Variants in NRXN3 observed in about 807,000 individuals in gnomAD.
NRXN3 encodes the protein neurexin 3.
Under a neutral mutation model 137.6 loss-of-function variants are expected in NRXN3, and 32 were observed. The ratio of observed to expected loss-of-function variants is 0.23; its 90% CI spans 0.18 to 0.31. The LOEUF is 0.31. NRXN3 is among the 10% of genes least tolerant of loss of function. The pLI is 1.00. For missense variants in NRXN3, 1,574 were observed against 2,062.5 expected, an observed-to-expected ratio of 0.76 and a Z score of 4.59; for synonymous variants, 798 against 784.5, an observed-to-expected ratio of 1.02 and a Z score of -0.29.
At chr14:78,302,160 A>T (rs2076936206) in intron 4 of NRXN3, among the ~76,000 whole-genome samples, 1 of 152,078 alleles carries the variant, frequency 6.6e-6, no homozygotes, top group South Asian at 2.1e-4. Flanking sequence ...AATACATTAG[A>T]TTCAGTCTCT....
At chr14:79,758,818 A>G (rs949361790) in intron 19 of NRXN3, among the ~76,000 whole-genome samples, 2 of 152,158 alleles carry the variant, frequency 1.3e-5, no homozygotes, top group South Asian at 2.1e-4. Context: ...CCACACAAGC[A>G]TTATTCAAAA....
chr14:78,902,176 C>T (rs2099198715), intron 10 of NRXN3, among the ~76,000 whole-genome samples: 1 of 151,986 alleles, frequency 6.6e-6, no homozygotes, highest in South Asian at 2.1e-4. Flanking sequence ...CTGGCACAGG[C>T]ATCTCAATGA....
intron 10 of NRXN3, among the ~76,000 whole-genome samples, chr14:78,901,534 A>T (rs2099196390): frequency 6.6e-6 from 1 of 152,042 alleles, no homozygotes; most frequent in Non-Finnish European, 1.5e-5. Context: ...TTGAGACTTA[A>T]TGATATGATC....
At chr14:78,426,345 A>G (rs918780600) in intron 4 of NRXN3, among the ~76,000 whole-genome samples, 1 of 152,152 alleles carries the variant, frequency 6.6e-6, no homozygotes, top group Admixed American at 6.5e-5. Context: ...TAACACCTTG[A>G]CAGTAGGGAC....
intron 10 of NRXN3, among the ~76,000 whole-genome samples, chr14:78,891,068 T>C (rs1303697332): frequency 6.6e-6 from 1 of 151,982 alleles, no homozygotes; most frequent in Non-Finnish European, 1.5e-5. Flanking sequence ...TCTGGCTTAG[T>C]TGGTGGTGAC....
chr14:79,257,439 G>A (rs1323940773), intron 15 of NRXN3, among the ~76,000 whole-genome samples: 5 of 34,616 alleles, frequency 1.4e-4, no homozygotes, highest in African/African-American at 2.3e-4. Flanking sequence ...GGTGGTGGTG[G>A]TGGTAGTGAT....
At chr14:78,733,685 C>T (rs1234153655) in intron 8 of NRXN3, among the ~76,000 whole-genome samples, 1 of 152,028 alleles carries the variant, frequency 6.6e-6, no homozygotes, top group Non-Finnish European at 1.5e-5. Context: ...AGTAAGTGTG[C>T]AGGAAAGGAG....
intron 10 of NRXN3, among the ~76,000 whole-genome samples, chr14:78,828,903 T>C (rs1596295974): frequency 6.6e-6 from 1 of 152,090 alleles, no homozygotes; most frequent in African/African-American, 2.4e-5. Context: ...AATGCCTGGA[T>C]GTGGGAGGAA....
intron 4 of NRXN3, among the ~76,000 whole-genome samples, chr14:78,371,309 A>G (rs977585285): frequency 5.3e-5 from 8 of 152,212 alleles, no homozygotes; most frequent in African/African-American, 1.9e-4. Flanking sequence ...AGATGGCACA[A>G]CTTCGGAGAG....
At chr14:78,481,240 T>A (rs898249614) in intron 4 of NRXN3, among the ~76,000 whole-genome samples, 22 of 152,196 alleles carry the variant, frequency 1.4e-4, no homozygotes, top group African/African-American at 5.3e-4. Flanking sequence ...TGAATGATAG[T>A]CTCTGTAGGG....
chr14:78,768,891 C>T (rs2098717694), intron 8 of NRXN3, among the ~76,000 whole-genome samples: 2 of 152,176 alleles, frequency 1.3e-5, no homozygotes, highest in Admixed American at 1.3e-4. Context: ...AGAAGCTCTC[C>T]AAACCCCATG....
At chr14:79,593,338 T>C (rs1255719469) in intron 16 of NRXN3, among the ~76,000 whole-genome samples, 2 of 152,142 alleles carry the variant, frequency 1.3e-5, no homozygotes, top group African/African-American at 2.4e-5. Flanking sequence ...ATTAAAAATT[T>C]ACCTTGAGAA....
chr14:78,529,481 C>CAGA lies in NRXN3; in HGVS notation c.758-115639_758-115638insAGA, dbSNP rs1476251703. On this transcript the variant is annotated intron_variant, in intron 4 of 20. Coordinates refer to ENST00000335750, the MANE Select transcript of NRXN3 (RefSeq NM_001330195.2). Reference sequence around the variant, plus strand: ...TTTCTTTCTTTCTGGGTCTCGGACACCCTTTTGATTTCAGGTCAAAATCAT... The same window carrying CAGA: ...TTTCTTTCTTTCTGGGTCTCGGACACAGACCTTTTGATTTCAGGTCAAAATCAT... 5.3e-5 allele frequency among the ~76,000 whole-genome samples: 8 copies of CAGA among 152,240 alleles called. No homozygotes were observed. In the East Asian group the frequency reaches 1.5e-3, roughly 29 times the overall value.
intron 15 of NRXN3, among the ~76,000 whole-genome samples, chr14:79,148,453 G>T (rs1196311094): frequency 6.6e-6 from 1 of 152,152 alleles, no homozygotes; most frequent in Non-Finnish European, 1.5e-5. Context: ...GTAGGGATGT[G>T]TTTGCACTTC....
rs2099063224 is a variant in NRXN3, at chr14:79,768,232, A to G, written c.4015-36880A>G. On this transcript the variant is annotated intron_variant, in intron 19 of 20. Coordinates refer to ENST00000335750, the MANE Select transcript of NRXN3 (RefSeq NM_001330195.2). ...CCATTGCCCAGGCTTGCTTAGGTAA[A>G]CAAAGCAGCCAGGAAGCTCCAACTG... Among the ~76,000 whole-genome samples the G allele has an allele frequency of 2.0e-5, 3 of 152,206 alleles. No individual in the cohort carries two copies. The South Asian group carries it at 6.2e-4, about 31-fold the overall frequency.
At chr14:79,804,330 G>A (rs970202235) in intron 19 of NRXN3, among the ~76,000 whole-genome samples, 1 of 151,926 alleles carries the variant, frequency 6.6e-6, no homozygotes, top group Non-Finnish European at 1.5e-5. Context: ...CTGTATGGAG[G>A]GCTCTTCTCA....
intron 14 of NRXN3, among the ~76,000 whole-genome samples, chr14:78,985,076 CTA>C (rs1453318773): frequency 6.6e-6 from 1 of 152,206 alleles, no homozygotes; most frequent in African/African-American, 2.4e-5. Flanking sequence ...GATAAATAAC[CTA>C]TAATCCCCGC....
chr14:78,387,487 C>T (rs575142748), intron 4 of NRXN3, among the ~76,000 whole-genome samples: 1 of 152,322 alleles, frequency 6.6e-6, no homozygotes, highest in Admixed American at 6.5e-5. Context: ...ACCTGCCCTA[C>T]ATCCTGAAGG....
At chr14:78,533,244 C>G (rs2096493622) in intron 4 of NRXN3, among the ~76,000 whole-genome samples, 1 of 151,792 alleles carries the variant, frequency 6.6e-6, no homozygotes, top group Non-Finnish European at 1.5e-5. Context: ...AGCCACCACG[C>G]CCGGCTAATT....
Sources: allele counts gnomAD v4.1 joint callset (sites outside exome capture counted in the v4.1 genomes callset), GRCh38; gene constraint gnomAD v4.1.1; transcripts MANE v1.5; gene names NCBI Gene and HGNC (gene_info 2026-07-23, HGNC 2026-07-21).